Variants in CNTNAP2 observed in about 807,000 individuals in gnomAD.
The protein encoded by CNTNAP2 is contactin-associated protein-like 2.
CNTNAP2 carries 98 observed loss-of-function variants against 155.2 expected under a neutral mutation model. That is an observed-to-expected ratio of 0.63 (90% CI 0.54 to 0.75). The LOEUF (loss-of-function observed/expected upper bound fraction) is 0.75, where lower values mean the gene tolerates loss of function less well. CNTNAP2 is among the 30% of genes least tolerant of loss of function. CNTNAP2 has a pLI of 0.00. For missense variants in CNTNAP2, 1,727 were observed against 1,688.1 expected (o/e 1.02, Z -0.40); for synonymous variants, 651 against 631.2 (o/e 1.03, Z -0.47).
At chr7:148,251,214 G>A (rs1418913815) in intron 20 of CNTNAP2, among the ~76,000 whole-genome samples, 1 of 152,114 alleles carries the variant, frequency 6.6e-6, no homozygotes, top group African/African-American at 2.4e-5. Context: ...AAATTCAGAG[G>A]TTCCCACTAC....
chr7:146,135,348 G>T (rs1346682148), intron 1 of CNTNAP2, among the ~76,000 whole-genome samples: 6 of 151,992 alleles, frequency 3.9e-5, no homozygotes, highest in Admixed American at 3.3e-4. Context: ...CTAACTAGTT[G>T]GATAGCCTTA....
At chr7:146,701,454 A>G (rs1379315632) in intron 1 of CNTNAP2, among the ~76,000 whole-genome samples, 1 of 152,180 alleles carries the variant, frequency 6.6e-6, no homozygotes, top group Non-Finnish European at 1.5e-5. Context: ...CATCCTTTAA[A>G]TCATGAACAA....
intron 4 of CNTNAP2, among the ~76,000 whole-genome samples, chr7:147,086,792 CTAACTA>C (rs1800288714): frequency 6.6e-6 from 1 of 152,132 alleles, no homozygotes; most frequent in South Asian, 2.1e-4. Context: ...AGCACTTTCT[CTAACTA>C]TATCAAATAA....
intron 1 of CNTNAP2, among the ~76,000 whole-genome samples, chr7:146,171,864 T>C (rs1267011405): frequency 6.6e-6 from 1 of 152,072 alleles, no homozygotes; most frequent in Non-Finnish European, 1.5e-5. Flanking sequence ...TAATTAAAAT[T>C]ATATTCACCT....
At chr7:146,380,049 C>T (rs549329055) in intron 1 of CNTNAP2, among the ~76,000 whole-genome samples, 3 of 152,100 alleles carry the variant, frequency 2.0e-5, no homozygotes, top group Non-Finnish European at 4.4e-5. Context: ...TTTCAGGTAA[C>T]TTAAAAAGAG....
intron 1 of CNTNAP2, among the ~76,000 whole-genome samples, chr7:146,136,922 T>C (rs1387286031): frequency 6.6e-6 from 1 of 152,188 alleles, no homozygotes; most frequent in Non-Finnish European, 1.5e-5. Context: ...AGACAGAATG[T>C]TTTAGCACCA....
intron 14 of CNTNAP2, among the ~76,000 whole-genome samples, chr7:147,973,088 A>G (rs1385750900): frequency 6.7e-6 from 1 of 148,676 alleles, no homozygotes; most frequent in African/African-American, 2.5e-5. Flanking sequence ...ATCCAGGTTG[A>G]GCCTACAGTG....
intron 4 of CNTNAP2, among the ~76,000 whole-genome samples, chr7:147,095,400 A>G (rs1351877503): frequency 6.6e-6 from 1 of 151,956 alleles, no homozygotes; most frequent in Non-Finnish European, 1.5e-5. Flanking sequence ...TAACCTAATC[A>G]CATCTAAAGG....
intron 11 of CNTNAP2, among the ~76,000 whole-genome samples, chr7:147,550,463 C>T (rs1006103695): frequency 6.6e-6 from 1 of 152,146 alleles, no homozygotes; most frequent in Non-Finnish European, 1.5e-5. Flanking sequence ...CATCTTCCAC[C>T]ATGATTGTGA....
At chr7:146,263,629 G>A (rs1799953288) in intron 1 of CNTNAP2, among the ~76,000 whole-genome samples, 1 of 152,174 alleles carries the variant, frequency 6.6e-6, no homozygotes, top group Admixed American at 6.5e-5. Context: ...AGAGGTTGTA[G>A]ACAGAGCAGG....
intron 8 of CNTNAP2, among the ~76,000 whole-genome samples, chr7:147,178,653 T>G (rs549644395): frequency 6.6e-6 from 1 of 152,274 alleles, no homozygotes; most frequent in Non-Finnish European, 1.5e-5. Flanking sequence ...CTACCCTGAT[T>G]TTCTCATTAG....
At chr7:146,884,969 T>G (rs1795627103) in intron 3 of CNTNAP2, among the ~76,000 whole-genome samples, 1 of 152,148 alleles carries the variant, frequency 6.6e-6, no homozygotes, top group Non-Finnish European at 1.5e-5. Context: ...ATCACTGCAT[T>G]TGATAAGTTC....
intron 21 of CNTNAP2, among the ~76,000 whole-genome samples, chr7:148,282,418 A>G (rs992407280): frequency 6.6e-6 from 1 of 152,204 alleles, no homozygotes; most frequent in Non-Finnish European, 1.5e-5. Flanking sequence ...TCTCAGCTTC[A>G]GTTTTCTTAA....
intron 15 of CNTNAP2, among the ~76,000 whole-genome samples, chr7:148,007,808 A>T (rs1256238235): frequency 1.3e-5 from 2 of 152,198 alleles, no homozygotes; most frequent in African/African-American, 4.8e-5. Flanking sequence ...TACTCATTAA[A>T]TATATGACAC....
chr7:148,168,707 T>C (rs554474260), intron 17 of CNTNAP2, among the ~76,000 whole-genome samples: 2 of 152,292 alleles, frequency 1.3e-5, no homozygotes, highest in South Asian at 2.1e-4. Flanking sequence ...AAACTTAAAG[T>C]ATAATTTAAA....
intron 1 of CNTNAP2, among the ~76,000 whole-genome samples, chr7:146,494,301 T>C (rs1797182043): frequency 6.6e-6 from 1 of 151,410 alleles, no homozygotes; most frequent in Admixed American, 6.6e-5. Flanking sequence ...ACCACTGCAC[T>C]CCAGCCTGGG....
chr7:148,359,254 A>C (rs1798575994), intron 21 of CNTNAP2, among the ~76,000 whole-genome samples: 1 of 151,782 alleles, frequency 6.6e-6, no homozygotes, highest in African/African-American at 2.4e-5. Flanking sequence ...CCACAATAAC[A>C]AAGTTGCCTA....
intron 15 of CNTNAP2, among the ~76,000 whole-genome samples, chr7:148,081,474 C>A (rs11763999): frequency 2.0e-5 from 3 of 152,172 alleles, no homozygotes; most frequent in Admixed American, 2.0e-4. Flanking sequence ...CTTGAAAAGA[C>A]TAGACTGGCC....
chr7:147,955,724 T>C (rs1019783899), intron 14 of CNTNAP2, among the ~76,000 whole-genome samples: 1 of 152,140 alleles, frequency 6.6e-6, no homozygotes, highest in Non-Finnish European at 1.5e-5. Context: ...ATCGGAAATG[T>C]CTCCTGTTGT....
Sources: gnomAD v4.1 joint callset for allele counts (sites outside exome capture counted in the v4.1 genomes callset) on GRCh38, gnomAD v4.1.1 for gene constraint, MANE v1.5 for transcripts, NCBI Gene and HGNC (gene_info 2026-07-23, HGNC 2026-07-21) for gene names.